Variants in PRKCE observed in about 807,000 individuals in gnomAD.
PRKCE encodes the protein protein kinase C epsilon.
PRKCE carries 16 observed loss-of-function variants against 85.4 expected under a neutral mutation model. The ratio of observed to expected loss-of-function variants is 0.19; its 90% CI spans 0.13 to 0.28. PRKCE has a LOEUF of 0.28. Ranked by LOEUF, PRKCE falls within the 10% of genes least tolerant of loss-of-function variation. The pLI is 1.00. For missense variants in PRKCE, 573 were observed against 975.2 expected, an observed-to-expected ratio of 0.59 and a Z score of 5.49; for synonymous variants, 388 against 371.5, an observed-to-expected ratio of 1.04 and a Z score of -0.51.
chr2:45,890,456 T>G (rs1305639649), intron 2 of PRKCE, among the ~76,000 whole-genome samples: 1 of 151,536 alleles, frequency 6.6e-6, no homozygotes. Flanking sequence ...CTCGGCTCAC[T>G]GCAACGGTCA....
chr2:45,871,478 T>C (rs1050469717), intron 2 of PRKCE, among the ~76,000 whole-genome samples: 2 of 152,230 alleles, frequency 1.3e-5, no homozygotes, highest in African/African-American at 4.8e-5. Flanking sequence ...TTGCTTTCTC[T>C]TGATGAAAAT....
At chr2:45,759,478 A>T (rs1684266043) in intron 1 of PRKCE, among the ~76,000 whole-genome samples, 1 of 152,196 alleles carries the variant, frequency 6.6e-6, no homozygotes, top group South Asian at 2.1e-4. Context: ...CGTGCATCTC[A>T]GACCTTGAGA....
intron 11 of PRKCE, among the ~76,000 whole-genome samples, chr2:46,121,077 C>T (rs1454505678): frequency 1.3e-5 from 2 of 152,168 alleles, no homozygotes; most frequent in Non-Finnish European, 2.9e-5. Context: ...GATTCATTCC[C>T]AAAGTAAAAC....
At chr2:45,666,432 T>C (rs563791053) in intron 1 of PRKCE, among the ~76,000 whole-genome samples, 1 of 151,856 alleles carries the variant, frequency 6.6e-6, no homozygotes, top group East Asian at 1.9e-4. Flanking sequence ...GGTTTGCACC[T>C]CCCCGGCTTC....
In PRKCE at chr2:45,812,392, C is replaced by A. The variant is rs114571482; in HGVS notation, c.349-30608C>A. 8.3e-3 allele frequency among the ~76,000 whole-genome samples: 1,269 copies of A among 152,250 alleles called. 11 individuals are homozygous for A. The highest frequency in any genetic ancestry group is 0.029 in the African/African-American group (1,211 of 41,534). ...AGGGAACTGTTGAACTGTTACCCAG[C>A]AAAACAAGTACTTACGGAGCATTGG... On this transcript the variant is annotated intron_variant, in intron 1 of 14. Coordinates refer to ENST00000306156, the MANE Select transcript of PRKCE (RefSeq NM_005400.3).
At position 45,671,003 on chromosome 2, in the gene PRKCE, C is replaced by T. The variant is rs537930429; in HGVS notation, c.348+18555C>T. Among the ~76,000 whole-genome samples, 234 of 152,308 alleles carry T rather than the reference C, an allele frequency of 1.5e-3. 1 individual carries two copies. Among genetic ancestry groups the T allele is most frequent in the African/African-American group, 5.5e-3 (228 of 41,560 alleles). ...GGTTGAATTGTTGGAAATTCAAGGTCAGAGAGCTTAGTTCATGCCCTGTAA... is the reference window on the plus strand; with the variant it reads ...GGTTGAATTGTTGGAAATTCAAGGTTAGAGAGCTTAGTTCATGCCCTGTAA... On this transcript the variant is annotated intron_variant, in intron 1 of 14. Coordinates refer to ENST00000306156, the MANE Select transcript of PRKCE (RefSeq NM_005400.3).
At chr2:45,661,694 A>C (rs1290320883) in intron 1 of PRKCE, among the ~76,000 whole-genome samples, 1 of 139,628 alleles carries the variant, frequency 7.2e-6, no homozygotes, top group Admixed American at 7.1e-5. Flanking sequence ...ACGCCCAGCT[A>C]ATTTTTTTTT....
Position 46,002,019 on chromosome 2 carries a change from G to A in PRKCE, c.966+473G>A, listed in dbSNP as rs61756880. Among the ~76,000 whole-genome samples, 1,029 of 152,252 alleles carry A rather than the reference G, an allele frequency of 6.8e-3. 16 individuals are homozygous for A. Among genetic ancestry groups the A allele is most frequent in the African/African-American group, 0.024 (991 of 41,542 alleles). On this transcript the variant is annotated intron_variant, in intron 7 of 14. Transcript: ENST00000306156. Reference sequence around the variant, plus strand: ...GATCATACCAGCACTGAGCTGCCTGGGGAATATTGTTAATGTCTCACGACA... The same window carrying A: ...GATCATACCAGCACTGAGCTGCCTGAGGAATATTGTTAATGTCTCACGACA...
At chr2:46,128,410 A>G (rs1261986987) in intron 11 of PRKCE, among the ~76,000 whole-genome samples, 4 of 152,214 alleles carry the variant, frequency 2.6e-5, no homozygotes, top group Admixed American at 2.0e-4. Flanking sequence ...CCCTTTCCAT[A>G]TTACCTCATT....
chr2:46,071,763 A>T (rs1307117543), intron 10 of PRKCE, among the ~76,000 whole-genome samples: 1 of 152,234 alleles, frequency 6.6e-6, no homozygotes, highest in Non-Finnish European at 1.5e-5. Flanking sequence ...TCCTATCTGC[A>T]TTGTCAGCCA....
chr2:45,781,945 C>G (rs752050626), intron 1 of PRKCE, among the ~76,000 whole-genome samples: 12 of 152,260 alleles, frequency 7.9e-5, no homozygotes, highest in Middle Eastern at 3.4e-3. Context: ...TTACCTGAAT[C>G]CTAGACAGGT....
intron 2 of PRKCE, among the ~76,000 whole-genome samples, chr2:45,854,784 G>A (rs1274297270): frequency 6.6e-6 from 1 of 152,170 alleles, no homozygotes; most frequent in Non-Finnish European, 1.5e-5. Context: ...ATTAATAGTA[G>A]ATGAGACCTG....
intron 2 of PRKCE, among the ~76,000 whole-genome samples, chr2:45,923,431 C>T (rs1248165122): frequency 6.6e-6 from 1 of 152,174 alleles, no homozygotes; most frequent in African/African-American, 2.4e-5. Flanking sequence ...TGAATTTCTT[C>T]CTACAAGGAA....
At chr2:45,846,855 T>C (rs1004289283) in intron 2 of PRKCE, among the ~76,000 whole-genome samples, 1 of 152,212 alleles carries the variant, frequency 6.6e-6, no homozygotes, top group Non-Finnish European at 1.5e-5. Context: ...TTTGGTACAG[T>C]GCCCTCGCAT....
chr2:45,684,905 A>G (rs947384567), intron 1 of PRKCE, among the ~76,000 whole-genome samples: 6 of 152,218 alleles, frequency 3.9e-5, no homozygotes, highest in African/African-American at 1.2e-4. Flanking sequence ...CACCAGAAAG[A>G]GGAAACAGAA....
chr2:45,880,367 T>C (rs1320815050), intron 2 of PRKCE, among the ~76,000 whole-genome samples: 1 of 152,212 alleles, frequency 6.6e-6, no homozygotes, highest in African/African-American at 2.4e-5. Flanking sequence ...ATAATGGTTT[T>C]CTTTCCTTTG....
At chr2:45,973,629 C>T (rs1702249165) in intron 2 of PRKCE, among the ~76,000 whole-genome samples, 1 of 152,212 alleles carries the variant, frequency 6.6e-6, no homozygotes, top group Non-Finnish European at 1.5e-5. Context: ...CCCCTGCCAA[C>T]TTTAAACAGC....
chr2:45,930,665 A>G (rs779345827), intron 2 of PRKCE, among the ~76,000 whole-genome samples: 2 of 152,218 alleles, frequency 1.3e-5, no homozygotes, highest in Non-Finnish European at 2.9e-5. Context: ...CATCGCTTGC[A>G]TGATTTATTG....
intron 1 of PRKCE, among the ~76,000 whole-genome samples, chr2:45,678,166 T>C (rs1676623260): frequency 6.6e-6 from 1 of 152,252 alleles, no homozygotes; most frequent in South Asian, 2.1e-4. Flanking sequence ...ACATATTGCA[T>C]GTTGAAATTT....
Sources: gnomAD v4.1 joint callset for allele counts (sites outside exome capture counted in the v4.1 genomes callset) on GRCh38, gnomAD v4.1.1 for gene constraint, MANE v1.5 for transcripts, NCBI Gene and HGNC (gene_info 2026-07-23, HGNC 2026-07-21) for gene names.